Variants in EYA1 observed in about 807,000 individuals in gnomAD.
EYA1 encodes EYA transcriptional coactivator and phosphatase 1, also known as protein phosphatase EYA1.
Under a neutral mutation model 82.0 loss-of-function variants are expected in EYA1, and 16 were observed. That is an observed-to-expected ratio of 0.20 (90% confidence interval 0.13 to 0.30). The LOEUF (loss-of-function observed/expected upper bound fraction) is 0.30, where lower values mean the gene tolerates loss of function less well. EYA1 is among the 10% of genes least tolerant of loss of function. The pLI is 1.00. For missense variants in EYA1, 633 were observed against 730.7 expected (o/e 0.87, Z 1.54); for synonymous variants, 261 against 264.4 (o/e 0.99, Z 0.12).
At chr8:71,310,760 C>T (rs946121752) in intron 7 of EYA1, among the ~76,000 whole-genome samples, 1 of 150,764 alleles carries the variant, frequency 6.6e-6, no homozygotes, top group Admixed American at 6.7e-5. Context: ...AATTCATTTC[C>T]CCAAATGAAG....
At chr8:71,367,098 T>C (rs1267607865), upstream of EYA1, among the ~76,000 whole-genome samples, 2 of 152,158 alleles carry the variant, frequency 1.3e-5, no homozygotes, top group Non-Finnish European at 2.9e-5. Context: ...TCAGGAGATG[T>C]GGGTTTTTTC....
At chr8:71,467,884 A>T (rs1453129037) in intron 2 of EYA1, among the ~76,000 whole-genome samples, 1 of 152,118 alleles carries the variant, frequency 6.6e-6, no homozygotes, top group Non-Finnish European at 1.5e-5. Context: ...GAATAATTTG[A>T]ATTTTCCTTT....
intron 2 of EYA1, among the ~76,000 whole-genome samples, chr8:71,469,517 C>T (rs1011482468): frequency 2.0e-5 from 3 of 152,084 alleles, no homozygotes; most frequent in Admixed American, 6.6e-5. Flanking sequence ...CAATTAGTTC[C>T]TTCTATTGCC....
intron 1 of EYA1, among the ~76,000 whole-genome samples, chr8:71,541,780 A>G (rs182258124): frequency 1.3e-5 from 2 of 152,292 alleles, no homozygotes; most frequent in East Asian, 3.9e-4. Flanking sequence ...GCACATAGGA[A>G]GCTTTGCAAT....
intron 7 of EYA1, among the ~76,000 whole-genome samples, chr8:71,307,150 A>G (rs1310770659): frequency 6.6e-6 from 1 of 152,210 alleles, no homozygotes; most frequent in African/African-American, 2.4e-5. Context: ...AAGGCCCACA[A>G]AAGATTTTAA....
intron 2 of EYA1, among the ~76,000 whole-genome samples, chr8:71,380,459 C>A (rs1049917630): frequency 1.3e-5 from 2 of 152,134 alleles, no homozygotes; most frequent in South Asian, 4.1e-4. Flanking sequence ...ACCACGCATG[C>A]CATCTAGCAT....
chr8:71,499,398 C>T (rs1811653725), intron 2 of EYA1, among the ~76,000 whole-genome samples: 1 of 152,188 alleles, frequency 6.6e-6, no homozygotes, highest in Admixed American at 6.5e-5. Context: ...ACAATCATCT[C>T]TATTTTACAA....
intron 1 of EYA1, among the ~76,000 whole-genome samples, chr8:71,357,416 C>T (rs1305620491): frequency 2.0e-5 from 3 of 152,234 alleles, no homozygotes; most frequent in African/African-American, 7.2e-5. Flanking sequence ...AGAAGCAGCT[C>T]AAACTGCCAG....
chr8:71,227,676 T>G (rs1214598739), intron 12 of EYA1, among the ~76,000 whole-genome samples: 1 of 152,206 alleles, frequency 6.6e-6, no homozygotes, highest in African/African-American at 2.4e-5. Context: ...ATACATTATT[T>G]TTTTTTCTGG....
At chr8:71,454,016 C>G (rs1157122547) in intron 2 of EYA1, among the ~76,000 whole-genome samples, 1 of 152,102 alleles carries the variant, frequency 6.6e-6, no homozygotes, top group African/African-American at 2.4e-5. Flanking sequence ...GTGCTGTATT[C>G]AGGAAACCCA....
At chr8:71,410,838 C>A (rs1469744340) in intron 2 of EYA1, among the ~76,000 whole-genome samples, 1 of 131,204 alleles carries the variant, frequency 7.6e-6, no homozygotes, top group Non-Finnish European at 1.6e-5. Flanking sequence ...CCATCCCCAT[C>A]AAGCTACCAA....
intron 2 of EYA1, among the ~76,000 whole-genome samples, chr8:71,454,181 T>G (rs1487289974): frequency 6.6e-6 from 1 of 152,176 alleles, no homozygotes; most frequent in Non-Finnish European, 1.5e-5. Context: ...AGAAGGCCAT[T>G]ACATAATGGT....
At chr8:71,364,782 C>G (rs1282133220), upstream of EYA1, among the ~76,000 whole-genome samples, 1 of 151,260 alleles carries the variant, frequency 6.6e-6, no homozygotes, top group Non-Finnish European at 1.5e-5. Flanking sequence ...CTCAAGGAGA[C>G]AGTTGATCTT....
At chr8:71,508,871 T>C (rs1327566508) in intron 2 of EYA1, among the ~76,000 whole-genome samples, 1 of 152,178 alleles carries the variant, frequency 6.6e-6, no homozygotes, top group African/African-American at 2.4e-5. Flanking sequence ...TTTATTCTAC[T>C]GCACTAAATA....
chr8:71,435,114 T>C (rs985505086), intron 2 of EYA1, among the ~76,000 whole-genome samples: 1 of 152,122 alleles, frequency 6.6e-6, no homozygotes, highest in Admixed American at 6.6e-5. Flanking sequence ...CCAACTCCTA[T>C]CCATCATTCA....
rs1809292513 is a variant in EYA1 at position 71,216,972 on chromosome 8, C to T, written c.1192G>A (p.Asp398Asn). 1.2e-6 allele frequency: 2 copies of T among 1,613,600 alleles called. No individual in the cohort carries two copies. Among genetic ancestry groups the T allele is most frequent in the African/African-American group, 2.7e-5 (2 of 74,922 alleles). Reference protein sequence around the residue: ...DDVSSDDNGQDLSTYNFGTDG... With the variant: ...DDVSSDDNGQNLSTYNFGTDG... ...ACATTCAAGGGTGCTCACCTTAGGT[C>T]CTGTCCGTTATCATCTGAAGAAACA... Residue 398 changes from aspartate (D) to asparagine (N), a missense_variant, in exon 13 of 18, where the codon GAC (aspartate) becomes AAC (asparagine). By Grantham distance (23) the Asp-to-Asn change is conservative (BLOSUM62 1). Transcript: ENST00000340726.
rs34377404 is a variant in EYA1, at chr8:71,479,623, GAAAAAAAAAA to G, written c.33+56111_33+56120del. Among the ~76,000 whole-genome samples, 13 of 100,198 alleles carry G rather than the reference GAAAAAAAAAA, an allele frequency of 1.3e-4. No individual in the cohort carries two copies. The Admixed American group carries it at 1.4e-3, about 11-fold the overall frequency. The allele number at this position is 100,198 out of a possible 152,430, so 65.7% of individuals were successfully genotyped here. A position where few individuals can be genotyped will look rare whatever the true frequency, so the allele number is the denominator to read the frequency against. On this transcript the variant is annotated intron_variant, in intron 2 of 18. Transcript: ENST00000643681. ...AATACCTTTAGAACACTTTCTTTAT[GAAAAAAAAAA>G]AAAAAAAAAAGCCTCTCTGGACTGG...
rs76328872 is a variant in EYA1, at chr8:71,255,259, T to C, written c.1051-10567A>G. 4.4e-3 allele frequency among the ~76,000 whole-genome samples: 668 copies of C among 152,302 alleles called. 15 individuals are homozygous for C. The East Asian group carries it at 0.057, about 13-fold the overall frequency. On this transcript the variant is annotated intron_variant, in intron 11 of 17. Transcript: ENST00000340726. ...AAACAGAAAACTCCATTTTGAAGTTTATATGAAATCTCAAGGGACCTTGAA... is the reference window on the plus strand; with the variant it reads ...AAACAGAAAACTCCATTTTGAAGTTCATATGAAATCTCAAGGGACCTTGAA...
intron 11 of EYA1, among the ~76,000 whole-genome samples, chr8:71,259,516 G>A (rs937371466): frequency 2.0e-5 from 3 of 152,196 alleles, no homozygotes; most frequent in Non-Finnish European, 2.9e-5. Context: ...GTAGAGTTAT[G>A]CGTTGAACTA....
Sources: allele counts gnomAD v4.1 joint callset (sites outside exome capture counted in the v4.1 genomes callset), GRCh38; gene constraint gnomAD v4.1.1; transcripts MANE v1.5; gene names NCBI Gene and HGNC (gene_info 2026-07-23, HGNC 2026-07-21).